The following NTNG1 variants were observed in gnomAD, a reference collection of about 807,000 sequenced individuals.
NTNG1 encodes netrin G1.
NTNG1 carries 16 observed loss-of-function variants against 54.0 expected under a neutral mutation model. The observed-to-expected ratio is 0.30, with a 90% CI of 0.20 to 0.45. The LOEUF (loss-of-function observed/expected upper bound fraction) is 0.45. NTNG1 is among the 20% of genes least tolerant of loss of function. NTNG1 has a pLI of 1.00. For synonymous variants in NTNG1, 255 were observed against 263.1 expected, an observed-to-expected ratio of 0.97 and a Z score of 0.30; for missense variants, 530 against 678.7, an observed-to-expected ratio of 0.78 and a Z score of 2.43.
At chr1:107,343,089 C>T (rs1668998375) in intron 3 of NTNG1, among the ~76,000 whole-genome samples, 1 of 152,104 alleles carries the variant, frequency 6.6e-6, no homozygotes, top group South Asian at 2.1e-4. Flanking sequence ...GATTTCTCTC[C>T]CAACATACTT....
At chr1:107,424,734 A>G (rs1674789680) in intron 5 of NTNG1, among the ~76,000 whole-genome samples, 1 of 152,144 alleles carries the variant, frequency 6.6e-6, no homozygotes, top group Admixed American at 6.6e-5. Context: ...TAAAGTTGAA[A>G]TGTTTATAAA....
intron 2 of NTNG1, among the ~76,000 whole-genome samples, chr1:107,303,854 T>G (rs1263174108): frequency 6.6e-6 from 1 of 152,120 alleles, no homozygotes; most frequent in Non-Finnish European, 1.5e-5. Context: ...ACCTGGCTAA[T>G]TTTTTGTATG....
chr1:107,430,707 C>T, intron 5 of NTNG1, 43 bp from the exon 6 acceptor site: 1 of 1,590,082 alleles, frequency 6.3e-7, no homozygotes, highest in Non-Finnish European at 8.6e-7. Flanking sequence ...TATTACTCTG[C>T]TACTGTATAC....
chr1:107,264,015 C>T lies in NTNG1; in HGVS notation c.247-60267C>T, dbSNP rs1663558690. On this transcript the variant is annotated intron_variant, in intron 2 of 7. Coordinates refer to ENST00000370068, the MANE Select transcript of NTNG1 (RefSeq NM_001113226.3). Reference sequence around the variant, plus strand: ...TGAAACATTCCAAGGAATTATAGTTCTAAGCTACCTTGTATTTGACAGATG... The same window carrying T: ...TGAAACATTCCAAGGAATTATAGTTTTAAGCTACCTTGTATTTGACAGATG... 3.3e-5 allele frequency among the ~76,000 whole-genome samples: 5 copies of T among 152,242 alleles called. No homozygotes were observed. In the South Asian group the frequency reaches 1.0e-3, roughly 32 times the overall value.
chr1:107,162,796 G>A (rs565364164), intron 2 of NTNG1, among the ~76,000 whole-genome samples: 9 of 151,980 alleles, frequency 5.9e-5, no homozygotes, highest in South Asian at 2.1e-4. Context: ...CAAATTTACC[G>A]TCTTCATTAC....
At chr1:107,463,170 G>A (rs2101549836) in intron 7 of NTNG1, among the ~76,000 whole-genome samples, 1 of 152,298 alleles carries the variant, frequency 6.6e-6, no homozygotes, top group East Asian at 1.9e-4. Context: ...TAGTTAGTAT[G>A]TATTGATCAT....
At chr1:107,439,172 C>G (rs1675797484) in intron 7 of NTNG1, among the ~76,000 whole-genome samples, 1 of 151,886 alleles carries the variant, frequency 6.6e-6, no homozygotes, top group Non-Finnish European at 1.5e-5. Flanking sequence ...GTAAGTCTTC[C>G]CAGAAAAGTG....
intron 7 of NTNG1, among the ~76,000 whole-genome samples, chr1:107,465,155 A>T (rs1677521053): frequency 6.6e-6 from 1 of 152,256 alleles, no homozygotes; most frequent in Non-Finnish European, 1.5e-5. Flanking sequence ...GAATTACTGA[A>T]TCCTTCCATG....
At chr1:107,294,111 C>T (rs1214984812) in intron 2 of NTNG1, among the ~76,000 whole-genome samples, 3 of 152,292 alleles carry the variant, frequency 2.0e-5, no homozygotes, top group South Asian at 4.2e-4. Context: ...GCATCCTGGA[C>T]GAGGAGGTGT....
At chr1:107,376,378 A>G (rs574653758) in intron 3 of NTNG1, among the ~76,000 whole-genome samples, 1 of 151,484 alleles carries the variant, frequency 6.6e-6, no homozygotes, top group Non-Finnish European at 1.5e-5. Context: ...ACTGCACTCC[A>G]GCCTGGGTGA....
At chr1:107,314,285 G>A (rs1667199369) in intron 2 of NTNG1, among the ~76,000 whole-genome samples, 1 of 152,154 alleles carries the variant, frequency 6.6e-6, no homozygotes. Flanking sequence ...TGTATTCCCA[G>A]CTACTCGGGA....
At chr1:107,184,833 A>G (rs1177566495) in intron 2 of NTNG1, among the ~76,000 whole-genome samples, 2 of 152,198 alleles carry the variant, frequency 1.3e-5, no homozygotes, top group Non-Finnish European at 2.9e-5. Context: ...GAAAATATTC[A>G]TTTATTATAC....
chr1:107,357,859 A>C (rs1026824640), intron 3 of NTNG1, among the ~76,000 whole-genome samples: 5 of 152,144 alleles, frequency 3.3e-5, no homozygotes. Flanking sequence ...AAACATTTGA[A>C]ATATAGATGA....
chr1:107,149,258 C>G (rs1654376382), intron 2 of NTNG1, among the ~76,000 whole-genome samples: 1 of 152,100 alleles, frequency 6.6e-6, no homozygotes, highest in Admixed American at 6.5e-5. Context: ...TAAAGCCAGT[C>G]CTAAATTCTG....
chr1:107,426,847 C>A (rs1156713311), intron 5 of NTNG1, among the ~76,000 whole-genome samples: 1 of 151,930 alleles, frequency 6.6e-6, no homozygotes, highest in Non-Finnish European at 1.5e-5. Flanking sequence ...GTGTTGTCTA[C>A]AATTTCTCCT....
intron 2 of NTNG1, among the ~76,000 whole-genome samples, chr1:107,304,969 G>A (rs1666587163): frequency 6.6e-6 from 1 of 152,112 alleles, no homozygotes; most frequent in East Asian, 1.9e-4. Context: ...TCCCACTTAT[G>A]AGTGAGAACA....
At chr1:107,470,688 G>T (rs1677924776) in intron 7 of NTNG1, among the ~76,000 whole-genome samples, 1 of 152,204 alleles carries the variant, frequency 6.6e-6, no homozygotes, top group Admixed American at 6.5e-5. Context: ...AGTAGAGGTT[G>T]CAACTCTTAT....
At chr1:107,381,823 G>C (rs1447800325) in intron 3 of NTNG1, among the ~76,000 whole-genome samples, 1 of 152,180 alleles carries the variant, frequency 6.6e-6, no homozygotes, top group Non-Finnish European at 1.5e-5. Context: ...CCTGGCTCTT[G>C]CTTCTGCTCT....
At chr1:107,233,103 A>G (rs1661178666) in intron 2 of NTNG1, among the ~76,000 whole-genome samples, 1 of 152,214 alleles carries the variant, frequency 6.6e-6, no homozygotes. Context: ...ATTTGCCTAA[A>G]GTCCATCAAT....
Sources: allele counts gnomAD v4.1 joint callset (sites outside exome capture counted in the v4.1 genomes callset), GRCh38; gene constraint gnomAD v4.1.1; transcripts MANE v1.5; gene names NCBI Gene and HGNC (gene_info 2026-07-23, HGNC 2026-07-21).